MEAF6: variants seen among roughly 807,000 people sequenced by gnomAD.
MEAF6 encodes MYST/Esa1 associated factor 6.
Under a neutral mutation model 28.9 loss-of-function variants are expected in MEAF6, and 15 were observed. The ratio of observed to expected loss-of-function variants is 0.52; its 90% CI spans 0.35 to 0.80. The LOEUF (loss-of-function observed/expected upper bound fraction) is 0.80. MEAF6 is among the 30% of genes least tolerant of loss of function. MEAF6 has a pLI of 0.01. For missense variants in MEAF6, 178 were observed against 237.5 expected (o/e 0.75, Z 1.65); for synonymous variants, 97 against 88.7 (o/e 1.09, Z -0.53).
chr1:37,503,528 T>A (rs557012000), intron 4 of MEAF6, among the ~76,000 whole-genome samples: 48 of 152,064 alleles, frequency 3.2e-4, no homozygotes, highest in Non-Finnish European at 2.8e-4. Flanking sequence ...TGGTGGCACA[T>A]GCCTGGAGTC....
intron 4 of MEAF6, among the ~76,000 whole-genome samples, chr1:37,502,557 T>G (rs1162565396): frequency 2.5e-5 from 3 of 118,854 alleles, no homozygotes; most frequent in East Asian, 2.9e-4. Flanking sequence ...TTTTTTCTTG[T>G]TTTTTTTTTG....
intron 4 of MEAF6, 108 bp downstream of exon 4, chr1:37,509,170 G>C: frequency 9.9e-7 from 1 of 1,011,284 alleles, no homozygotes. Context: ...AGGGAAAAGG[G>C]AAGAGCATAA....
chr1:37,503,928 C>T (rs984373586), intron 4 of MEAF6, among the ~76,000 whole-genome samples: 1 of 152,128 alleles, frequency 6.6e-6, no homozygotes, highest in African/African-American at 2.4e-5. Flanking sequence ...AAGCCGAGAT[C>T]GCTCTGGGTG....
intron 4 of MEAF6, among the ~76,000 whole-genome samples, chr1:37,506,128 G>A (rs1399538169): frequency 6.6e-6 from 1 of 152,100 alleles, no homozygotes; most frequent in Non-Finnish European, 1.5e-5. Context: ...AAAATTAGCT[G>A]GGCATGGTGG....
intron 2 of MEAF6, among the ~76,000 whole-genome samples, chr1:37,510,784 G>A (rs900604511): frequency 3.9e-5 from 6 of 151,970 alleles, no homozygotes; most frequent in Admixed American, 6.6e-5. Flanking sequence ...CTGCAATGGC[G>A]CGAGCTCGGC....
Position 37,491,696 on chromosome 1 carries a change from C to CAATA in MEAF6, c.*2399_*2402dup, listed in dbSNP as rs57369458. Among the ~76,000 whole-genome samples the CAATA allele has an allele frequency of 0.55, 77,679 of 142,348 alleles. 22,419 individuals carry two copies. The highest frequency in any genetic ancestry group is 0.64 in the Admixed American group (8,857 of 13,948). The allele number at this position is 142,348 out of a possible 152,430, so 93.4% of individuals were successfully genotyped here. A position where few individuals can be genotyped will look rare whatever the true frequency, so the allele number is the denominator to read the frequency against. On this transcript the variant is annotated 3_prime_UTR_variant, in exon 7 of 7. Coordinates refer to ENST00000296214, the MANE Select transcript of MEAF6 (RefSeq NM_001270875.3). ...CCTGGGTGACAGAGCAAGATCCTGT[C>CAATA]AATAAATAAATAAATAAATAAATAA...
rs773534300 is a variant in MEAF6 at position 37,501,950 on chromosome 1, G to C, written c.387C>G (p.His129Gln). ...GTESDTSPDF[H>Q]NQENEPSQED... Reference sequence around the variant, plus strand: ...CCTGGCTGGGCTCATTTTCCTGATTGTGGAAGTCTGGAGAAGTGTCACTTT... The same window carrying C: ...CCTGGCTGGGCTCATTTTCCTGATTCTGGAAGTCTGGAGAAGTGTCACTTT... The change falls in exon 5 of 7, where the codon CAC becomes CAG. Residue 129 changes from histidine (H) to glutamine (Q), a missense_variant. By Grantham distance (24) the His-to-Gln change is conservative. This residue lies in a region of MEAF6 where 124 missense variants were observed against 200.5 expected (regional missense o/e 0.62). Transcript: ENST00000296214. The C allele has an allele frequency of 9.3e-6, 15 of 1,609,968 alleles. No homozygotes were observed. The Admixed American group carries it at 2.3e-4, about 25-fold the overall frequency.
intron 4 of MEAF6, among the ~76,000 whole-genome samples, chr1:37,507,653 T>A (rs1346450527): frequency 2.6e-5 from 4 of 151,752 alleles, no homozygotes; most frequent in Admixed American, 6.6e-5. Flanking sequence ...GATCAAATAT[T>A]TGAGTGATTA....
chr1:37,502,136 AG>A (rs1642327930), intron 4 of MEAF6, 140 bp from the exon 5 acceptor site: 3 of 488,712 alleles, frequency 6.1e-6, no homozygotes, highest in Non-Finnish European at 1.1e-5. Context: ...TTGACAGAGA[AG>A]ATACATGTTG....
chr1:37,509,356 G>A (rs1269435723), intron 3 of MEAF6, 33 bp from the exon 4 acceptor site: 1 of 1,612,340 alleles, frequency 6.2e-7, no homozygotes, highest in Non-Finnish European at 8.5e-7. Context: ...CTAGAAAAGT[G>A]ACCACAGACC....
chr1:37,500,897 T>G (rs1386125041), intron 5 of MEAF6: 1 of 154,302 alleles, frequency 6.5e-6, no homozygotes, highest in East Asian at 1.9e-4. Context: ...GTAGAACGAA[T>G]GTACAGTTTC....
chr1:37,494,217 C>T, intron 6 of MEAF6, 110 bp from the exon 7 acceptor site: 1 of 913,288 alleles, frequency 1.1e-6, no homozygotes, highest in Non-Finnish European at 1.7e-6. Context: ...TGCTCTATAG[C>T]TAAAGATTAT....
rs147444087 is a variant in MEAF6 at position 37,490,850 on chromosome 1, C to T, written c.*3249G>A. 4.7e-3 allele frequency among the ~76,000 whole-genome samples: 712 copies of T among 151,254 alleles called. 4 individuals are homozygous for T. Among genetic ancestry groups the T allele is most frequent in the African/African-American group, 0.016 (666 of 41,334 alleles). On this transcript the variant is annotated 3_prime_UTR_variant, in exon 7 of 7. Coordinates refer to ENST00000296214, the MANE Select transcript of MEAF6 (RefSeq NM_001270875.3). ...GTCCAGCCTGGCCAATATGGTGAAA[C>T]CCGGTCTCTATTGAAAATAAAAAAA...
intron 2 of MEAF6, among the ~76,000 whole-genome samples, chr1:37,510,077 ATTTT>A (rs958473140): frequency 7.5e-6 from 1 of 133,334 alleles, no homozygotes. Context: ...GCGCCCAGAC[ATTTT>A]TTTTTTTTTT....
rs1641876980 is a variant in MEAF6 at position 37,490,085 on chromosome 1, C to T, written c.*4014G>A. Among the ~76,000 whole-genome samples, 1 of 151,958 alleles carries T rather than the reference C, an allele frequency of 6.6e-6. No homozygotes were observed. Among genetic ancestry groups the T allele is most frequent in the Non-Finnish European group, 1.5e-5 (1 of 68,004 alleles). On this transcript the variant is annotated 3_prime_UTR_variant, in exon 7 of 7. Coordinates refer to ENST00000296214, the MANE Select transcript of MEAF6 (RefSeq NM_001270875.3). ...TTTGATGTATATATATAAAATACAT[C>T]CAAAGTGAGAAACTAAATAAGGCTG... is the stretch of plus-strand genomic sequence containing the variant.
At position 37,490,084 on chromosome 1, in the gene MEAF6, T is replaced by C. The variant is rs570183054; in HGVS notation, c.*4015A>G. Among the ~76,000 whole-genome samples, 1 of 152,182 alleles carries C rather than the reference T, an allele frequency of 6.6e-6. No individual in the cohort carries two copies. Among genetic ancestry groups the C allele is most frequent in the Non-Finnish European group, 1.5e-5 (1 of 68,022 alleles). ...ATTTGATGTATATATATAAAATACA[T>C]CCAAAGTGAGAAACTAAATAAGGCT... On this transcript the variant is annotated 3_prime_UTR_variant, in exon 7 of 7. Transcript: ENST00000296214.
At position 37,495,884 on chromosome 1, in the gene MEAF6, C is replaced by T; in HGVS notation, c.567+1G>A. ...TCTGAAGTGGTCCGGCTGATACTTA[C>T]AGCTCGTGGTTTTTTGTTTAACTTC... is the stretch of plus-strand genomic sequence containing the variant. On this transcript the variant is annotated splice_donor_variant, in intron 6 of 6. Transcript: ENST00000296214. LOFTEE classifies it high-confidence loss of function. 1 of 1,614,006 alleles carries T rather than the reference C, an allele frequency of 6.2e-7. No homozygotes were observed. Among genetic ancestry groups the T allele is most frequent in the Non-Finnish European group, 8.5e-7 (1 of 1,179,950 alleles).
rs1272760608 is a variant in MEAF6 at position 37,492,114 on chromosome 1, C to T, written c.*1985G>A. On this transcript the variant is annotated 3_prime_UTR_variant, in exon 7 of 7. Coordinates refer to ENST00000296214, the MANE Select transcript of MEAF6 (RefSeq NM_001270875.3). ...CACTATCTCAGCTCACTGTAAGCTCCGCCTCCCAGGTTCATGCCATTCTCC... is the reference window on the plus strand; with the variant it reads ...CACTATCTCAGCTCACTGTAAGCTCTGCCTCCCAGGTTCATGCCATTCTCC... 1.3e-5 allele frequency among the ~76,000 whole-genome samples: 2 copies of T among 151,924 alleles called. No individual in the cohort carries two copies. The highest frequency in any genetic ancestry group is 2.1e-4 in the South Asian group (1 of 4,810).
chr1:37,490,940 T>C lies in MEAF6; in HGVS notation c.*3159A>G, dbSNP rs1039249251. On this transcript the variant is annotated 3_prime_UTR_variant, in exon 7 of 7. Transcript: ENST00000296214. The stretch of plus-strand genomic sequence containing the variant: ...TACTCGAGAGGCTGAGGCGGAATAA[T>C]TGCTTGAACCCTGGAGGCGGAGGTA... Among the ~76,000 whole-genome samples the C allele has an allele frequency of 1.3e-5, 2 of 152,126 alleles. No homozygotes were observed. The highest frequency in any genetic ancestry group is 4.1e-4 in the South Asian group (2 of 4,826).
Sources: allele counts gnomAD v4.1 joint callset (sites outside exome capture counted in the v4.1 genomes callset), GRCh38; gene constraint gnomAD v4.1.1; regional missense constraint gnomAD v4.1.1; transcripts MANE v1.5; gene names NCBI Gene and HGNC (gene_info 2026-07-23, HGNC 2026-07-21).